Variants in AVEN observed in about 807,000 individuals in gnomAD.
AVEN encodes apoptosis and caspase activation inhibitor, also known as cell death regulator Aven.
AVEN carries 41 observed loss-of-function variants against 38.1 expected under a neutral mutation model. That is an observed-to-expected ratio of 1.08 (90% CI 0.84 to 1.40). The LOEUF is 1.40. Among genes scored for constraint, AVEN ranks in the 40% most tolerant of loss-of-function variants. AVEN has a pLI of 0.00. For synonymous variants in AVEN, 206 were observed against 171.8 expected, an observed-to-expected ratio of 1.20 and a Z score of -1.56; for missense variants, 605 against 438.8, an observed-to-expected ratio of 1.38 and a Z score of -3.38.
downstream of AVEN, chr15:33,857,889 A>C: frequency 6.2e-7 from 1 of 1,614,154 alleles, no homozygotes; most frequent in Non-Finnish European, 8.5e-7. Context: ...GACGAGCCCG[A>C]TATGAAGTGC....
In AVEN at chr15:33,867,653, G is replaced by C. The variant is rs763751095; in HGVS notation, c.815C>G (p.Thr272Ser). ...PGPSRDSQKP[T>S]SPLQSAGDHL... ...GTCTCCTGCTGACTGCAGTGGGGAA[G>C]TGGGTTTCTGAGAATCCCTTGAAGG... Residue 272 changes from threonine (T) to serine (S), a missense_variant, in exon 5 of 6, where the codon ACT becomes AGT. Coordinates refer to ENST00000306730, the MANE Select transcript of AVEN (RefSeq NM_020371.3). 6.2e-7 allele frequency: 1 copy of C among 1,614,190 alleles called. No homozygotes were observed. Among genetic ancestry groups the C allele is most frequent in the East Asian group, 2.2e-5 (1 of 44,878 alleles).
intron 5 of AVEN, among the ~76,000 whole-genome samples, chr15:34,056,833 C>T (rs935007452): frequency 1.3e-5 from 2 of 152,098 alleles, no homozygotes; most frequent in African/African-American, 4.8e-5. Context: ...GAGTTCAAGG[C>T]CAGCCTGAGC....
At chr15:34,035,983 A>AG (rs932969666) in intron 1 of AVEN, among the ~76,000 whole-genome samples, 8 of 151,942 alleles carry the variant, frequency 5.3e-5, no homozygotes, top group Admixed American at 1.3e-4. Context: ...TTTTATAGAG[A>AG]GGGGGTCTCG....
At chr15:33,978,204 C>T (rs1490609036) in intron 2 of AVEN, among the ~76,000 whole-genome samples, 1 of 152,090 alleles carries the variant, frequency 6.6e-6, no homozygotes, top group African/African-American at 2.4e-5. Context: ...GCAGACTGGC[C>T]GTTCTGAACA....
At chr15:33,990,816 G>GA (rs1327488439) in intron 2 of AVEN, 9 of 152,210 alleles carry the variant, frequency 5.9e-5, no homozygotes, top group African/African-American at 1.9e-4. Flanking sequence ...GACTAAATTG[G>GA]ATGAAAGCTG....
At position 33,866,717 on chromosome 15, in the gene AVEN, G is replaced by T. The variant is rs761903485; in HGVS notation, c.985C>A (p.Pro329Thr). ...ATGTTTTTTTCTTCAGTCACAGATG[G>T]TTTTGCACAAACTGGGGGAAAAAAA... is the stretch of plus-strand genomic sequence containing the variant. ...VVQEEEVCAK[P>T]SVTEEKNMEP... The change falls in exon 6 of 6, where the codon CCA becomes ACA. Residue 329 changes from proline to threonine, a missense_variant. Pro to Thr is a conservative substitution (Grantham distance 38). Coordinates refer to ENST00000306730, the MANE Select transcript of AVEN (RefSeq NM_020371.3). 1 of 1,613,112 alleles carries T rather than the reference G, an allele frequency of 6.2e-7. No homozygotes were observed. Among genetic ancestry groups the T allele is most frequent in the Non-Finnish European group, 8.5e-7 (1 of 1,179,278 alleles).
At chr15:33,909,972 C>CA (rs535805123) in intron 2 of AVEN, among the ~76,000 whole-genome samples, 126 of 149,714 alleles carry the variant, frequency 8.4e-4, no homozygotes, top group African/African-American at 2.9e-3. Flanking sequence ...AATACAAATA[C>CA]AAAAAATTAG....
chr15:33,897,921 A>G (rs1218158371), intron 2 of AVEN, among the ~76,000 whole-genome samples: 1 of 151,012 alleles, frequency 6.6e-6, no homozygotes, highest in African/African-American at 2.4e-5. Context: ...CGGGCGTGGT[A>G]GCTCACGCCT....
At chr15:34,064,546 G>C in intron 4 of AVEN, 1 of 576,360 alleles carries the variant, frequency 1.7e-6, no homozygotes, top group Non-Finnish European at 3.1e-6. Flanking sequence ...GATGCCAGGG[G>C]AGTTTGCCAA....
chr15:33,926,903 C>A (rs1261752971), intron 2 of AVEN, among the ~76,000 whole-genome samples: 1 of 152,142 alleles, frequency 6.6e-6, no homozygotes, highest in Non-Finnish European at 1.5e-5. Flanking sequence ...GGTCTGCCTG[C>A]CTCAGCCTCC....
intron 2 of AVEN, among the ~76,000 whole-genome samples, chr15:33,900,020 G>T (rs1243667907): frequency 6.6e-6 from 1 of 151,886 alleles, no homozygotes; most frequent in African/African-American, 2.4e-5. Flanking sequence ...CAATTCAATG[G>T]AAATTCACAG....
chr15:34,049,997 C>T (rs570489056), intron 5 of AVEN, among the ~76,000 whole-genome samples: 4 of 151,626 alleles, frequency 2.6e-5, no homozygotes, highest in East Asian at 3.9e-4. Flanking sequence ...AAGCCATTCT[C>T]TCATCTCAGC....
intron 5 of AVEN, among the ~76,000 whole-genome samples, chr15:34,060,673 C>T (rs1332222112): frequency 1.3e-5 from 2 of 152,162 alleles, no homozygotes; most frequent in African/African-American, 4.8e-5. Flanking sequence ...GTCAGGAGTT[C>T]GAGACCAGTC....
At chr15:33,899,912 T>A (rs1034003121) in intron 2 of AVEN, among the ~76,000 whole-genome samples, 2 of 151,154 alleles carry the variant, frequency 1.3e-5, no homozygotes, top group African/African-American at 4.9e-5. Flanking sequence ...GATTAAAAGC[T>A]AAGGATCCTC....
chr15:33,860,492 T>C (rs1007721139), intron 11 of AVEN: 5 of 652,422 alleles, frequency 7.7e-6, no homozygotes, highest in Non-Finnish European at 1.3e-5. Context: ...GCTTTGATAA[T>C]TCACTTTTTT....
chr15:34,066,313 C>A (rs576959691), intron 3 of AVEN: 1 of 152,338 alleles, frequency 6.6e-6, no homozygotes, highest in Admixed American at 6.5e-5. Context: ...GCTTTGATTC[C>A]TGATAAAGAT....
At chr15:33,980,494 C>T (rs756723843) in intron 2 of AVEN, among the ~76,000 whole-genome samples, 9 of 152,174 alleles carry the variant, frequency 5.9e-5, no homozygotes, top group Non-Finnish European at 1.3e-4. Context: ...TTGTTGTGGG[C>T]TGATGGCCAT....
intron 2 of AVEN, chr15:33,968,695 T>C (rs1168241869): frequency 2.0e-5 from 3 of 152,032 alleles, no homozygotes; most frequent in Non-Finnish European, 2.9e-5. Flanking sequence ...AAAGCAAGAG[T>C]GCAAGAACAT....
At chr15:33,915,907 C>T (rs1180773520) in intron 2 of AVEN, among the ~76,000 whole-genome samples, 1 of 152,114 alleles carries the variant, frequency 6.6e-6, no homozygotes, top group Non-Finnish European at 1.5e-5. Flanking sequence ...GCTTGCTTTA[C>T]CCCACCTTCC....
Sources: allele counts gnomAD v4.1 joint callset (sites outside exome capture counted in the v4.1 genomes callset), GRCh38; gene constraint gnomAD v4.1.1; transcripts MANE v1.5; gene names NCBI Gene and HGNC (gene_info 2026-07-23, HGNC 2026-07-21).